The following STXBP5L variants were observed in gnomAD, a reference collection of about 807,000 sequenced individuals.
STXBP5L encodes the protein syntaxin binding protein 5L.
STXBP5L carries 65 observed loss-of-function variants against 144.5 expected under a neutral mutation model. The ratio of observed to expected loss-of-function variants is 0.45; its 90% CI spans 0.37 to 0.55. STXBP5L has a LOEUF of 0.55. Ranked by LOEUF, STXBP5L falls within the 20% of genes least tolerant of loss-of-function variation. STXBP5L has a pLI of 0.00. For missense variants in STXBP5L, 1,298 were observed against 1,405.5 expected (o/e 0.92, Z 1.22); for synonymous variants, 505 against 469.6 (o/e 1.08, Z -0.97).
chr3:121,292,146 G>T (rs1221052467), intron 19 of STXBP5L, among the ~76,000 whole-genome samples: 1 of 152,008 alleles, frequency 6.6e-6, no homozygotes, highest in Non-Finnish European at 1.5e-5. Context: ...CACAAACTAT[G>T]CATCTGACAA....
chr3:121,025,975 T>G (rs1945904767), intron 3 of STXBP5L, among the ~76,000 whole-genome samples: 1 of 146,368 alleles, frequency 6.8e-6, no homozygotes, highest in South Asian at 2.1e-4. Context: ...TATATTAATG[T>G]TAATAATATA....
At chr3:121,129,758 T>C (rs1476960191) in intron 7 of STXBP5L, among the ~76,000 whole-genome samples, 1 of 152,062 alleles carries the variant, frequency 6.6e-6, no homozygotes, top group Non-Finnish European at 1.5e-5. Flanking sequence ...ACCAATTCAC[T>C]TTTTTGCCTA....
intron 3 of STXBP5L, among the ~76,000 whole-genome samples, chr3:121,030,052 A>C (rs1158235182): frequency 1.3e-5 from 2 of 152,172 alleles, no homozygotes; most frequent in Non-Finnish European, 2.9e-5. Context: ...GGATGTGGAG[A>C]AATAGGAACA....
intron 19 of STXBP5L, among the ~76,000 whole-genome samples, chr3:121,315,042 G>C (rs2043732664): frequency 6.6e-6 from 1 of 152,182 alleles, no homozygotes; most frequent in East Asian, 1.9e-4. Flanking sequence ...TGGTGGGACT[G>C]TAAACTAGTT....
intron 20 of STXBP5L, among the ~76,000 whole-genome samples, chr3:121,345,642 C>T (rs1282957892): frequency 1.3e-5 from 2 of 152,044 alleles, no homozygotes; most frequent in East Asian, 3.9e-4. Flanking sequence ...AAAAGCGTGC[C>T]TATTTCTCCA....
At chr3:121,307,527 G>A (rs770052692) in intron 19 of STXBP5L, among the ~76,000 whole-genome samples, 1 of 152,044 alleles carries the variant, frequency 6.6e-6, no homozygotes, top group Non-Finnish European at 1.5e-5. Context: ...TACAGTAAGT[G>A]AAAAGAAAAA....
intron 5 of STXBP5L, among the ~76,000 whole-genome samples, chr3:121,089,042 T>C (rs1396967049): frequency 9.2e-6 from 1 of 109,030 alleles, no homozygotes; most frequent in South Asian, 3.2e-4. Context: ...TGTATACCTA[T>C]GTAACTAACC....
intron 5 of STXBP5L, among the ~76,000 whole-genome samples, chr3:121,084,254 T>A (rs190851052): frequency 1.3e-5 from 2 of 152,224 alleles, no homozygotes; most frequent in Non-Finnish European, 2.9e-5. Context: ...CATGGAAGTT[T>A]GTTACATAGG....
At chr3:121,370,219 TTAG>T (rs2045990604) in intron 20 of STXBP5L, among the ~76,000 whole-genome samples, 2 of 151,898 alleles carry the variant, frequency 1.3e-5, no homozygotes, top group Non-Finnish European at 2.9e-5. Context: ...ACAAAAAAAA[TTAG>T]CCAGGCATGA....
chr3:121,203,308 C>T (rs568242156), intron 9 of STXBP5L, among the ~76,000 whole-genome samples: 1 of 152,236 alleles, frequency 6.6e-6, no homozygotes, highest in Admixed American at 6.5e-5. Context: ...TCCCCTATTT[C>T]CCTTCACAAA....
At chr3:121,180,941 A>G (rs528756548) in intron 9 of STXBP5L, among the ~76,000 whole-genome samples, 1 of 151,458 alleles carries the variant, frequency 6.6e-6, no homozygotes, top group Non-Finnish European at 1.5e-5. Flanking sequence ...AGAAAAGAAG[A>G]GAAGAGAAAA....
chr3:121,049,161 G>T (rs1034775180), intron 5 of STXBP5L, among the ~76,000 whole-genome samples: 4 of 152,182 alleles, frequency 2.6e-5, no homozygotes, highest in Non-Finnish European at 5.9e-5. Flanking sequence ...GTAGAAAACA[G>T]TCTGCTGCTT....
chr3:121,250,920 G>A (rs1476613638), intron 15 of STXBP5L, among the ~76,000 whole-genome samples, 157 bp downstream of exon 15: 1 of 152,130 alleles, frequency 6.6e-6, no homozygotes, highest in Admixed American at 6.6e-5. Context: ...TGTTAGATCA[G>A]TTGAAAGTAT....
At chr3:121,234,291 T>G (rs2049399916) in intron 12 of STXBP5L, among the ~76,000 whole-genome samples, 1 of 152,170 alleles carries the variant, frequency 6.6e-6, no homozygotes, top group South Asian at 2.1e-4. Flanking sequence ...TCTTTTAGCC[T>G]CATATATTTG....
At chr3:121,245,910 T>C (rs1445099315) in intron 14 of STXBP5L, among the ~76,000 whole-genome samples, 3 of 152,178 alleles carry the variant, frequency 2.0e-5, no homozygotes, top group Middle Eastern at 3.4e-3. Flanking sequence ...GGAAACAGGG[T>C]ATTTGAAAAA....
At chr3:121,407,663 A>G (rs1201459375) in intron 23 of STXBP5L, 60 bp downstream of exon 23, 3 of 1,599,014 alleles carry the variant, frequency 1.9e-6, no homozygotes, top group African/African-American at 2.7e-5. Context: ...GTACAATCCT[A>G]AAAAATATAT....
intron 3 of STXBP5L, among the ~76,000 whole-genome samples, chr3:121,024,613 T>G (rs1481744997): frequency 1.3e-5 from 2 of 152,140 alleles, no homozygotes; most frequent in African/African-American, 4.8e-5. Flanking sequence ...GCAGGTAAAA[T>G]AAAAATATTA....
At chr3:121,030,833 G>A (rs998543368) in intron 3 of STXBP5L, among the ~76,000 whole-genome samples, 2 of 151,956 alleles carry the variant, frequency 1.3e-5, no homozygotes, top group East Asian at 3.9e-4. Context: ...AAAATTCAAT[G>A]GCTTTTTAAA....
intron 14 of STXBP5L, among the ~76,000 whole-genome samples, chr3:121,245,964 C>T (rs931181302): frequency 7.9e-5 from 12 of 152,116 alleles, no homozygotes; most frequent in African/African-American, 2.4e-4. Context: ...AAACACTATA[C>T]CTAGCAATAG....
Sources: gnomAD v4.1 joint callset for allele counts (sites outside exome capture counted in the v4.1 genomes callset) on GRCh38, gnomAD v4.1.1 for gene constraint, MANE v1.5 for transcripts, NCBI Gene and HGNC (gene_info 2026-07-23, HGNC 2026-07-21) for gene names.